The following SYT1 variants were observed in gnomAD, a reference collection of about 807,000 sequenced individuals.
SYT1 encodes synaptotagmin 1.
In SYT1, 8 loss-of-function variants were observed where a neutral mutation model predicts 44.8. The observed-to-expected ratio is 0.18, with a 90% CI of 0.10 to 0.32. SYT1 has a LOEUF of 0.32. Among genes scored for constraint, SYT1 ranks in the 10% least tolerant of loss-of-function variants. The pLI, the probability that SYT1 is intolerant of heterozygous loss-of-function variation, is 1.00. For missense variants in SYT1, 286 were observed against 509.3 expected (o/e 0.56, Z 4.22); for synonymous variants, 154 against 188.8 (o/e 0.82, Z 1.51).
chr12:79,175,807 T>G (rs1871823000), intron 3 of SYT1, among the ~76,000 whole-genome samples: 1 of 152,064 alleles, frequency 6.6e-6, no homozygotes, highest in South Asian at 2.1e-4. Flanking sequence ...TAAACATATC[T>G]AAACCACCCA....
intron 3 of SYT1, among the ~76,000 whole-genome samples, chr12:79,113,407 CTT>C (rs1373080842): frequency 1.3e-5 from 2 of 152,040 alleles, no homozygotes; most frequent in African/African-American, 4.8e-5. Context: ...AGAGATATGA[CTT>C]TGAAACTACG....
At position 79,053,385 on chromosome 12, in the gene SYT1, G is replaced by A. The variant is rs377628575; in HGVS notation, c.-18+6023G>A. Reference sequence around the variant, plus strand: ...GGTGGGGGGAGCAGGGAGGGATAGCGTTAGGAGATATACCTAATGCTAAAT... The same window carrying A: ...GGTGGGGGGAGCAGGGAGGGATAGCATTAGGAGATATACCTAATGCTAAAT... On this transcript the variant is annotated intron_variant, in intron 3 of 10. Coordinates refer to ENST00000261205, the MANE Select transcript of SYT1 (RefSeq NM_005639.3). 7.8e-3 allele frequency among the ~76,000 whole-genome samples: 1,189 copies of A among 151,994 alleles called. 57 individuals carry two copies. The highest frequency in any genetic ancestry group is 0.07 in the Admixed American group (1,070 of 15,234).
intron 2 of SYT1, among the ~76,000 whole-genome samples, chr12:79,046,712 T>C (rs1874089177): frequency 6.6e-6 from 1 of 152,084 alleles, no homozygotes; most frequent in African/African-American, 2.4e-5. Context: ...TCTATTAATA[T>C]GTATATAAAC....
intron 8 of SYT1, among the ~76,000 whole-genome samples, chr12:79,352,683 AG>A (rs141311585): frequency 0.033 from 5,007 of 152,236 alleles, 93 homozygotes; most frequent in Middle Eastern, 0.065. Flanking sequence ...GAGAATCAGT[AG>A]GAGTCTTTTC....
intron 3 of SYT1, among the ~76,000 whole-genome samples, chr12:79,141,351 G>C (rs1869545474): frequency 6.6e-6 from 1 of 151,596 alleles, no homozygotes; most frequent in African/African-American, 2.4e-5. Flanking sequence ...ATACTCCTTT[G>C]GAAATGTACA....
intron 1 of SYT1, among the ~76,000 whole-genome samples, chr12:78,901,458 C>T (rs1875660222): frequency 6.6e-6 from 1 of 152,054 alleles, no homozygotes; most frequent in African/African-American, 2.4e-5. Context: ...TTGGAGACAG[C>T]AAAGGGAGGT....
At chr12:78,917,855 T>A (rs558779759) in intron 1 of SYT1, among the ~76,000 whole-genome samples, 2 of 152,190 alleles carry the variant, frequency 1.3e-5, no homozygotes, top group South Asian at 4.1e-4. Context: ...CTCTTAAGAA[T>A]TAATGTTTTA....
chr12:79,169,354 G>A (rs1871381079), intron 3 of SYT1, among the ~76,000 whole-genome samples: 1 of 151,852 alleles, frequency 6.6e-6, no homozygotes, highest in Non-Finnish European at 1.5e-5. Context: ...ACTTACAAAA[G>A]TATAAATTAT....
chr12:78,992,683 A>G (rs1870100150), intron 2 of SYT1, among the ~76,000 whole-genome samples: 1 of 152,196 alleles, frequency 6.6e-6, no homozygotes, highest in Non-Finnish European at 1.5e-5. Flanking sequence ...CCACTCAAAG[A>G]TAGAGAGCAC....
chr12:79,165,603 T>G (rs1251089219), intron 3 of SYT1, among the ~76,000 whole-genome samples: 1 of 152,034 alleles, frequency 6.6e-6, no homozygotes, highest in Non-Finnish European at 1.5e-5. Context: ...TTTAGAACAA[T>G]TATTTATCCT....
chr12:79,428,727 C>CATTT (rs962007685), intron 9 of SYT1, among the ~76,000 whole-genome samples: 2 of 152,160 alleles, frequency 1.3e-5, no homozygotes, highest in African/African-American at 4.8e-5. Context: ...TCATTATTAA[C>CATTT]ATTTATTTGT....
At chr12:79,215,738 C>T (rs1284803470) in intron 3 of SYT1, among the ~76,000 whole-genome samples, 1 of 151,782 alleles carries the variant, frequency 6.6e-6, no homozygotes, top group African/African-American at 2.4e-5. Context: ...AATAAAAATT[C>T]GTATCTATGT....
chr12:79,212,570 AT>A (rs1874526450), intron 3 of SYT1, among the ~76,000 whole-genome samples: 1 of 151,298 alleles, frequency 6.6e-6, no homozygotes, highest in Admixed American at 6.6e-5. Flanking sequence ...ATTCAATAAT[AT>A]TTTTCTTGAT....
At chr12:79,108,963 TC>T (rs1878866356) in intron 3 of SYT1, among the ~76,000 whole-genome samples, 1 of 152,158 alleles carries the variant, frequency 6.6e-6, no homozygotes, top group Admixed American at 6.5e-5. Flanking sequence ...TTTCCTTAGT[TC>T]AGCTAAAGAT....
chr12:79,060,260 C>CA (rs1348379502), intron 3 of SYT1, among the ~76,000 whole-genome samples: 1 of 151,834 alleles, frequency 6.6e-6, no homozygotes, highest in African/African-American at 2.4e-5. Context: ...GTCCCTGTAA[C>CA]AAAAAGCTTT....
intron 3 of SYT1, among the ~76,000 whole-genome samples, chr12:79,143,233 A>G (rs1729800329): frequency 6.6e-6 from 1 of 152,228 alleles, no homozygotes. Flanking sequence ...TTATACACAC[A>G]TAACATCCAA....
At chr12:79,041,709 CA>C (rs1268882979) in intron 2 of SYT1, among the ~76,000 whole-genome samples, 1 of 151,622 alleles carries the variant, frequency 6.6e-6, no homozygotes, top group Non-Finnish European at 1.5e-5. Flanking sequence ...TGCCAGTTTT[CA>C]AAGGGAATGC....
At chr12:78,945,854 C>T (rs557205364) in intron 1 of SYT1, among the ~76,000 whole-genome samples, 5 of 152,116 alleles carry the variant, frequency 3.3e-5, no homozygotes, top group Non-Finnish European at 7.4e-5. Flanking sequence ...TACCTATAAT[C>T]GAAGGCAGCC....
chr12:79,161,592 A>G (rs1453363341), intron 3 of SYT1, among the ~76,000 whole-genome samples: 2 of 152,186 alleles, frequency 1.3e-5, no homozygotes, highest in South Asian at 2.1e-4. Flanking sequence ...GGATGCTGAC[A>G]TGTGTAAGAC....
Sources: gnomAD v4.1 joint callset for allele counts (sites outside exome capture counted in the v4.1 genomes callset) on GRCh38, gnomAD v4.1.1 for gene constraint, MANE v1.5 for transcripts, NCBI Gene and HGNC (gene_info 2026-07-23, HGNC 2026-07-21) for gene names.